The following GRM7 variants were observed in gnomAD, a reference collection of about 807,000 sequenced individuals.
GRM7 encodes the protein glutamate metabotropic receptor 7.
GRM7 carries 35 observed loss-of-function variants against 84.5 expected under a neutral mutation model. That is an observed-to-expected ratio of 0.41 (90% CI 0.32 to 0.55). The LOEUF is 0.55. GRM7 is among the 20% of genes least tolerant of loss of function. The pLI, the probability that GRM7 is intolerant of heterozygous loss-of-function variation, is 0.19. For synonymous variants in GRM7, 487 were observed against 455.1 expected (o/e 1.07, Z -0.89); for missense variants, 1,003 against 1,194.6 (o/e 0.84, Z 2.36).
At chr3:7,560,908 G>A (rs1318738609) in intron 7 of GRM7, among the ~76,000 whole-genome samples, 2 of 152,058 alleles carry the variant, frequency 1.3e-5, no homozygotes, top group Admixed American at 6.6e-5. Context: ...TCTAAGCTCA[G>A]GAAGTCCTAT....
At chr3:7,556,946 T>C (rs1206509552) in intron 7 of GRM7, among the ~76,000 whole-genome samples, 1 of 152,194 alleles carries the variant, frequency 6.6e-6, no homozygotes, top group African/African-American at 2.4e-5. Flanking sequence ...GATTGCAGCA[T>C]GTGGCATGAG....
chr3:7,329,367 C>T (rs1268614607), intron 4 of GRM7, among the ~76,000 whole-genome samples: 2 of 152,166 alleles, frequency 1.3e-5, no homozygotes, highest in Non-Finnish European at 2.9e-5. Flanking sequence ...CACCCACTTG[C>T]ATTGGACCTT....
intron 7 of GRM7, among the ~76,000 whole-genome samples, chr3:7,494,965 A>G (rs1055445555): frequency 1.3e-4 from 20 of 152,168 alleles, no homozygotes; most frequent in African/African-American, 2.4e-5. Flanking sequence ...TCTTTTCTCA[A>G]TCAAGTTGTG....
chr3:7,070,475 T>A (rs1379240691), intron 1 of GRM7, among the ~76,000 whole-genome samples: 3 of 152,174 alleles, frequency 2.0e-5, no homozygotes, highest in Non-Finnish European at 4.4e-5. Context: ...TTTTATTTAA[T>A]CATTTTTGCT....
rs145880687 is a variant in GRM7, at chr3:7,626,810, G to T, written c.2451+47453G>T. On this transcript the variant is annotated intron_variant, in intron 8 of 9. Coordinates refer to ENST00000357716, the MANE Select transcript of GRM7 (RefSeq NM_000844.4). ...ACAAGGGGTTAGGACTTTAAAATATGAATTTGGGGCAACACAATTCAACCC... is the reference window on the plus strand; with the variant it reads ...ACAAGGGGTTAGGACTTTAAAATATTAATTTGGGGCAACACAATTCAACCC... Among the ~76,000 whole-genome samples the T allele has an allele frequency of 4.8e-3, 736 of 152,074 alleles. 7 individuals carry two copies. Among genetic ancestry groups the T allele is most frequent in the African/African-American group, 0.017 (697 of 41,484 alleles).
intron 1 of GRM7, among the ~76,000 whole-genome samples, chr3:7,103,270 T>C (rs1699173397): frequency 6.6e-6 from 1 of 151,944 alleles, no homozygotes; most frequent in East Asian, 1.9e-4. Flanking sequence ...TTCTGTCTTT[T>C]AGTCTGAGAG....
intron 2 of GRM7, among the ~76,000 whole-genome samples, chr3:7,208,693 C>T (rs1362061474): frequency 6.6e-6 from 1 of 152,160 alleles, no homozygotes; most frequent in African/African-American, 2.4e-5. Flanking sequence ...CTTACTGATA[C>T]ATCTGATTGT....
intron 1 of GRM7, among the ~76,000 whole-genome samples, chr3:6,876,583 G>C (rs1041588619): frequency 2.7e-5 from 4 of 149,034 alleles, no homozygotes; most frequent in African/African-American, 9.9e-5. Flanking sequence ...TGATAAGTCA[G>C]AGGTTTTTAC....
chr3:6,996,927 A>C (rs985292884), intron 1 of GRM7, among the ~76,000 whole-genome samples: 1 of 152,216 alleles, frequency 6.6e-6, no homozygotes, highest in Non-Finnish European at 1.5e-5. Flanking sequence ...ACATCCATGC[A>C]ATTCCCTGTC....
chr3:6,958,802 A>G (rs1475074282), intron 1 of GRM7, among the ~76,000 whole-genome samples: 1 of 152,212 alleles, frequency 6.6e-6, no homozygotes, highest in African/African-American at 2.4e-5. Context: ...TACCTACTTT[A>G]TACAGTTCAA....
chr3:7,351,236 G>T (rs1254929836), intron 4 of GRM7, among the ~76,000 whole-genome samples: 6 of 147,368 alleles, frequency 4.1e-5, no homozygotes, highest in Non-Finnish European at 4.5e-5. Context: ...CATGCATCTT[G>T]TGTCCCAGAG....
chr3:7,392,582 T>G (rs1445462233), intron 4 of GRM7, among the ~76,000 whole-genome samples: 1 of 152,198 alleles, frequency 6.6e-6, no homozygotes, highest in Non-Finnish European at 1.5e-5. Flanking sequence ...CAAGGCACTG[T>G]GGCAAGTGCA....
intron 5 of GRM7, among the ~76,000 whole-genome samples, chr3:7,446,425 T>C (rs1697509444): frequency 6.6e-6 from 1 of 151,878 alleles, no homozygotes; most frequent in South Asian, 2.1e-4. Flanking sequence ...TGAAACACGA[T>C]TTTGTTGTTG....
chr3:7,527,539 C>T (rs1700853955), intron 7 of GRM7, among the ~76,000 whole-genome samples: 1 of 151,918 alleles, frequency 6.6e-6, no homozygotes, highest in Non-Finnish European at 1.5e-5. Context: ...CCTGATGGCT[C>T]TGGATAGGAC....
Position 7,598,163 on chromosome 3 carries a change from T to C in GRM7, c.2451+18806T>C, listed in dbSNP as rs140451918. On this transcript the variant is annotated intron_variant, in intron 8 of 9. Transcript: ENST00000357716. ...TCTGACATATTGCAGATAAGGAATA[T>C]AGAGATGCATAGGTATGAGGCAGTA... Among the ~76,000 whole-genome samples the C allele has an allele frequency of 1.9e-3, 292 of 152,300 alleles. 2 individuals carry two copies. The highest frequency in any genetic ancestry group is 5.0e-3 in the African/African-American group (207 of 41,568).
chr3:7,214,883 A>G lies in GRM7; in HGVS notation c.736+68215A>G, dbSNP rs140075081. Among the ~76,000 whole-genome samples the G allele has an allele frequency of 2.3e-3, 353 of 152,346 alleles. 2 individuals carry two copies. The highest frequency in any genetic ancestry group is 8.1e-3 in the African/African-American group (338 of 41,582). ...CTAAGAAGGTTACAGAGTTTGTAAC[A>G]TTGGATTCTTTATATATTCCAGGAT... On this transcript the variant is annotated intron_variant, in intron 2 of 9. Transcript: ENST00000357716.
chr3:7,441,970 G>T (rs1457935297), intron 5 of GRM7, among the ~76,000 whole-genome samples: 1 of 151,664 alleles, frequency 6.6e-6, no homozygotes, highest in African/African-American at 2.4e-5. Flanking sequence ...GGTTCTTTTT[G>T]GTTCCATATG....
At chr3:7,378,288 T>C (rs1225417456) in intron 4 of GRM7, among the ~76,000 whole-genome samples, 4 of 152,150 alleles carry the variant, frequency 2.6e-5, no homozygotes, top group Non-Finnish European at 5.9e-5. Context: ...AGTCTGAAAT[T>C]TGAAAGAAAA....
At chr3:6,916,051 T>C (rs552632736) in intron 1 of GRM7, among the ~76,000 whole-genome samples, 7 of 152,320 alleles carry the variant, frequency 4.6e-5, no homozygotes, top group Admixed American at 4.6e-4. Context: ...ACTATCTTTG[T>C]TGATGTTGCA....
Sources: allele counts gnomAD v4.1 joint callset (sites outside exome capture counted in the v4.1 genomes callset), GRCh38; gene constraint gnomAD v4.1.1; transcripts MANE v1.5; gene names NCBI Gene and HGNC (gene_info 2026-07-23, HGNC 2026-07-21).